Variants in UGGT1 observed in about 807,000 individuals in gnomAD.
UGGT1 encodes UDP-glucose:glycoprotein glucosyltransferase 1.
UGGT1 carries 107 observed loss-of-function variants against 203.9 expected under a neutral mutation model. The ratio of observed to expected loss-of-function variants is 0.52; its 90% confidence interval spans 0.45 to 0.62. The LOEUF is 0.62. Among genes scored for constraint, UGGT1 ranks in the 20% least tolerant of loss-of-function variants. The pLI, the probability that UGGT1 is intolerant of heterozygous loss-of-function variation, is 0.00. For synonymous variants in UGGT1, 628 were observed against 653.5 expected (o/e 0.96, Z 0.59); for missense variants, 1,673 against 1,867.2 (o/e 0.90, Z 1.92).
intron 31 of UGGT1, 107 bp downstream of exon 31, chr2:128,174,965 G>T (rs1691301149): frequency 1.1e-6 from 1 of 889,156 alleles, no homozygotes; most frequent in African/African-American, 1.7e-5. Flanking sequence ...AATTTAATTT[G>T]CAGTTGTATG....
intron 15 of UGGT1, among the ~76,000 whole-genome samples, chr2:128,135,423 G>T (rs1444744224): frequency 6.6e-6 from 1 of 151,954 alleles, no homozygotes; most frequent in African/African-American, 2.4e-5. Flanking sequence ...GATTTCCACT[G>T]TCTTTTTAAG....
intron 15 of UGGT1, 55 bp from the exon 16 acceptor site, chr2:128,138,662 T>C: frequency 6.3e-7 from 1 of 1,585,128 alleles, no homozygotes. Flanking sequence ...GTCATTCTTT[T>C]TAACCATTTG....
chr2:128,114,591 G>C (rs1443067215), intron 6 of UGGT1, among the ~76,000 whole-genome samples: 1 of 152,154 alleles, frequency 6.6e-6, no homozygotes, highest in African/African-American at 2.4e-5. Flanking sequence ...TCCGCTCGAA[G>C]GCATTTAAAT....
chr2:128,107,769 C>T (rs1391656649), intron 3 of UGGT1, among the ~76,000 whole-genome samples, 169 bp from the exon 4 acceptor site: 1 of 152,194 alleles, frequency 6.6e-6, no homozygotes, highest in African/African-American at 2.4e-5. Flanking sequence ...AGCCCAACTG[C>T]ATTTTGTACT....
At chr2:128,118,078 C>G (rs1299074261) in intron 8 of UGGT1, among the ~76,000 whole-genome samples, 2 of 151,736 alleles carry the variant, frequency 1.3e-5, no homozygotes, top group Non-Finnish European at 2.9e-5. Flanking sequence ...TTATATACTT[C>G]AGCTTTGAGA....
intron 8 of UGGT1, among the ~76,000 whole-genome samples, chr2:128,118,905 A>G (rs535712560): frequency 1.5e-4 from 23 of 152,124 alleles, no homozygotes; most frequent in Non-Finnish European, 1.8e-4. Context: ...CCTGGGCTCA[A>G]GGGATCTGCC....
intron 40 of UGGT1, 45 bp downstream of exon 40, chr2:128,187,659 C>T: frequency 6.5e-7 from 1 of 1,539,074 alleles, no homozygotes; most frequent in South Asian, 1.2e-5. Context: ...CTTTCCATTT[C>T]TGATTTCTGC....
At chr2:128,174,727 T>G (rs776465448) in intron 30 of UGGT1, 46 bp from the exon 31 acceptor site, 9 of 1,413,748 alleles carry the variant, frequency 6.4e-6, no homozygotes, top group Non-Finnish European at 8.9e-6. Flanking sequence ...GAAATAACAT[T>G]TTGGTGTTTT....
At chr2:128,118,663 A>G (rs62157729) in intron 8 of UGGT1, among the ~76,000 whole-genome samples, 46,557 of 152,080 alleles carry the variant, frequency 0.31, 8,589 homozygotes, top group Non-Finnish European at 0.4. Context: ...AAGAATATTG[A>G]GGCTGTTTTA....
chr2:128,170,644 TAAAACATCCTGGAATTAAG>T (rs1691047441), intron 27 of UGGT1, among the ~76,000 whole-genome samples: 1 of 152,204 alleles, frequency 6.6e-6, no homozygotes, highest in Non-Finnish European at 1.5e-5. Flanking sequence ...TCATTTAGAG[TAAAACATCCTGGAATTAAG>T]GTATGCTATA....
intron 3 of UGGT1, among the ~76,000 whole-genome samples, chr2:128,107,223 G>T (rs1687648548): frequency 6.6e-6 from 1 of 151,470 alleles, no homozygotes; most frequent in Non-Finnish European, 1.5e-5. Flanking sequence ...AAGTTACTAT[G>T]TACATTGTTT....
At chr2:128,095,475 CCT>C (rs1241434899) in intron 1 of UGGT1, among the ~76,000 whole-genome samples, 1 of 148,240 alleles carries the variant, frequency 6.7e-6, no homozygotes, top group Non-Finnish European at 1.5e-5. Flanking sequence ...TCTTCCTCCT[CCT>C]CCTCTTCCTC....
In UGGT1 at chr2:128,120,336, G is replaced by T. The variant is rs1348362491; in HGVS notation, c.873-20G>T. 9 of 1,601,420 alleles carry T rather than the reference G, an allele frequency of 5.6e-6. No homozygotes were observed. Among genetic ancestry groups the T allele is most frequent in the Non-Finnish European group, 7.7e-6 (9 of 1,174,118 alleles). ...GAAAGAAAAAATAATGAAAAGGACT[G>T]ATTTTTATGTTTCTTTTAGAGATCT... On this transcript the variant is annotated intron_variant, in intron 8 of 40. Transcript: ENST00000259253.
rs951853447 is a variant in UGGT1 at position 128,174,040 on chromosome 2, T to G, written c.3453+101T>G. On this transcript the variant is annotated intron_variant, in intron 30 of 40. Transcript: ENST00000259253. ...AGCATTCTTAACCATAGAGTGAGAT[T>G]AAAATTCATTATGGGCTGAATTTGG... The G allele has an allele frequency of 1.2e-5, 16 of 1,355,096 alleles. No individual in the cohort carries two copies. In the African/African-American group the frequency reaches 2.2e-4, roughly 18 times the overall value. The allele number at this position is 1,355,096 out of a possible 1,614,324, so 83.9% of individuals were successfully genotyped here.
intron 13 of UGGT1, among the ~76,000 whole-genome samples, chr2:128,129,452 G>T (rs1018137110): frequency 1.3e-5 from 2 of 149,236 alleles, no homozygotes; most frequent in African/African-American, 5.0e-5. Flanking sequence ...AGGCTGGAGT[G>T]CAGTGGCGCG....
intron 5 of UGGT1, among the ~76,000 whole-genome samples, chr2:128,111,003 T>A (rs1687821085): frequency 6.6e-6 from 1 of 152,230 alleles, no homozygotes; most frequent in Non-Finnish European, 1.5e-5. Context: ...TCTGTTAATA[T>A]CTTGATGCCA....
intron 38 of UGGT1, among the ~76,000 whole-genome samples, chr2:128,185,349 T>C (rs1573636849): frequency 6.7e-6 from 1 of 150,032 alleles, no homozygotes; most frequent in Admixed American, 6.6e-5. Flanking sequence ...TCTGTATTTT[T>C]AGTTGAGACA....
chr2:128,134,653 C>T (rs763348882), intron 14 of UGGT1, among the ~76,000 whole-genome samples: 1 of 152,184 alleles, frequency 6.6e-6, no homozygotes, highest in Non-Finnish European at 1.5e-5. Flanking sequence ...GTACAGTTCC[C>T]TTGTTATCAG....
chr2:128,183,937 T>TGTGTGTGTGAGA (rs151153786), intron 38 of UGGT1, 148 bp downstream of exon 38: 136 of 328,460 alleles, frequency 4.1e-4, no homozygotes, highest in Admixed American at 9.9e-4. Context: ...TGTGTGTGTG[T>TGTGTGTGTGAGA]GAGAGAGAGA....
Sources: gnomAD v4.1 joint callset for allele counts (sites outside exome capture counted in the v4.1 genomes callset) on GRCh38, gnomAD v4.1.1 for gene constraint, MANE v1.5 for transcripts, NCBI Gene and HGNC (gene_info 2026-07-23, HGNC 2026-07-21) for gene names.